The following HRAS variants were observed in gnomAD, a reference collection of about 807,000 sequenced individuals.
HRAS encodes HRas proto-oncogene, GTPase.
In HRAS, 11 loss-of-function variants were observed where a neutral mutation model predicts 19.8. The ratio of observed to expected loss-of-function variants is 0.55; its 90% confidence interval spans 0.35 to 0.92. The LOEUF (loss-of-function observed/expected upper bound fraction) is 0.92. HRAS is among the 40% of genes least tolerant of loss of function. The pLI is 0.01. For synonymous variants in HRAS, 149 were observed against 105.5 expected (o/e 1.41, Z -2.52); for missense variants, 204 against 255.9 (o/e 0.80, Z 1.38).
At chr11:533,338 G>A (rs768095368) in intron 4 of HRAS, 115 bp downstream of exon 4, 2 of 1,605,612 alleles carry the variant, frequency 1.2e-6, no homozygotes, top group East Asian at 2.2e-5. Context: ...CGGAGCTGGA[G>A]CTAGAGCCAG....
At chr11:534,176 C>T (rs1269871280) in intron 2 of HRAS, 36 bp downstream of exon 2, 1 of 1,526,536 alleles carries the variant, frequency 6.6e-7, no homozygotes, top group South Asian at 1.1e-5. Flanking sequence ...TCGCCCGCAG[C>T]AGCTGCTGGC....
chr11:534,488 G>A (rs1377599694), intron 1 of HRAS, 113 bp from the exon 2 acceptor site: 15 of 625,780 alleles, frequency 2.4e-5, no homozygotes, highest in Non-Finnish European at 3.9e-5. Context: ...GGGCCCCAAC[G>A]CCAGGCAGCA....
intron 2 of HRAS, 41 bp from the exon 3 acceptor site, chr11:533,985 C>T (rs1033725685): frequency 7.5e-6 from 12 of 1,595,800 alleles, no homozygotes; most frequent in Non-Finnish European, 1.0e-5. Context: ...CAGGACCTTC[C>T]GTGGGGGGAG....
At position 532,768 on chromosome 11, in the gene HRAS, G is replaced by C. The variant is rs761468352; in HGVS notation, c.451-13C>G. Reference sequence around the variant, plus strand: ...CATCCTCCACTCCCTGGGAAAGGAGGGATGGGATCAGGAGGGACCGGCCTG... The same window carrying C: ...CATCCTCCACTCCCTGGGAAAGGAGCGATGGGATCAGGAGGGACCGGCCTG... On this transcript the variant is annotated splice_polypyrimidine_tract_variant and intron_variant, in intron 4 of 5. Coordinates refer to ENST00000311189, the MANE Select transcript of HRAS (RefSeq NM_005343.4). 6.2e-7 allele frequency: 1 copy of C among 1,611,926 alleles called. No individual in the cohort carries two copies.
chr11:534,445 G>T (rs540613361), intron 1 of HRAS, 70 bp from the exon 2 acceptor site: 17 of 775,024 alleles, frequency 2.2e-5, no homozygotes, highest in Non-Finnish European at 3.0e-5. Flanking sequence ...CTGCTGGCAG[G>T]GCCATCTGAA....
At position 534,629 on chromosome 11, in the gene HRAS, G is replaced by A. The variant is rs1385822260; in HGVS notation, c.-53-254C>T. 12 of 497,912 alleles carry A rather than the reference G, an allele frequency of 2.4e-5. No individual in the cohort carries two copies. In the East Asian group the frequency reaches 4.1e-4, roughly 17 times the overall value. 30.8% of individuals were successfully genotyped at this position (497,912 alleles called of 1,614,324 possible). A position where few individuals can be genotyped will look rare whatever the true frequency, so the allele number is the denominator to read the frequency against. On this transcript the variant is annotated intron_variant, in intron 1 of 5. Transcript: ENST00000311189. ...GCCCTCAAAGGCAGGGCTGACAGCT[G>A]AGCGCTCTCAACCACGCACCCAAAT...
intron 1 of HRAS, among the ~76,000 whole-genome samples, chr11:534,837 C>T (rs889871295): frequency 6.6e-6 from 1 of 152,196 alleles, no homozygotes; most frequent in African/African-American, 2.4e-5. Flanking sequence ...CTACTGCGTA[C>T]TAGGCGCCGC....
Position 534,292 on chromosome 11 carries a change from C to T in HRAS, c.31G>A (p.Ala11Thr), listed in dbSNP as rs727504496. 2.5e-5 allele frequency: 41 copies of T among 1,613,124 alleles called. No homozygotes were observed. Among genetic ancestry groups the T allele is most frequent in the Non-Finnish European group, 3.1e-5 (37 of 1,179,904 alleles). MTEYKLVVVG[A>T]GGVGKSALTI... is the part of the protein sequence containing the mutation. ...AGCGCACTCTTGCCCACACCGCCGG[C>T]GCCCACCACCACCAGCTTATATTCC... Residue 11 changes from alanine to threonine, a missense_variant, in exon 2 of 6, where the codon GCC (alanine) becomes ACC (threonine). By Grantham distance (58) the Ala-to-Thr change is moderately conservative. Around this residue, in one of 4 missense-constraint regions of HRAS, gnomAD observed 10 missense variants for 18.0 expected, o/e 0.56. Coordinates refer to ENST00000311189, the MANE Select transcript of HRAS (RefSeq NM_005343.4).
At position 532,393 on chromosome 11, in the gene HRAS, C is replaced by T. The variant is rs1336846240; in HGVS notation, c.*135G>A. ...CCTCCCTGGGAGGGTCTGCAGTCAC[C>T]TCGGCCCACGGTCCCGGGGTGACTG... On this transcript the variant is annotated 3_prime_UTR_variant, in exon 6 of 6. Transcript: ENST00000311189. The T allele has an allele frequency of 5.0e-6, 3 of 604,920 alleles. No homozygotes were observed. The highest frequency in any genetic ancestry group is 2.8e-5 in the East Asian group (1 of 35,516). 37.5% of individuals were successfully genotyped at this position (604,920 alleles called of 1,614,324 possible).
chr11:533,214 A>G (rs1851214478), intron 4 of HRAS: 11 of 1,383,528 alleles, frequency 8.0e-6, no homozygotes, highest in African/African-American at 1.4e-5. Context: ...CCAGGACTGC[A>G]GGGCGTGAGC....
chr11:532,447 G>T lies in HRAS; in HGVS notation c.*81C>A. The T allele has an allele frequency of 2.5e-6, 2 of 804,996 alleles. No homozygotes were observed. Among genetic ancestry groups the T allele is most frequent in the Non-Finnish European group, 3.9e-6 (2 of 512,208 alleles). The allele number at this position is 804,996 out of a possible 1,614,324, so 49.9% of individuals were successfully genotyped here. A position where few individuals can be genotyped will look rare whatever the true frequency, so the allele number is the denominator to read the frequency against. ...TCCAGCAGCCCTTCCTTCCTTCCTT[G>T]CTTCCGTCCTTCCTTCCTCCTCCTT... On this transcript the variant is annotated 3_prime_UTR_variant, in exon 6 of 6. Coordinates refer to ENST00000311189, the MANE Select transcript of HRAS (RefSeq NM_005343.4).
chr11:534,727 G>A (rs1851349320), intron 1 of HRAS: 1 of 265,080 alleles, frequency 3.8e-6, no homozygotes, highest in Non-Finnish European at 7.4e-6. Context: ...TCCAGAACAG[G>A]TCTGGCCACG....
At position 534,242 on chromosome 11, in the gene HRAS, A is replaced by G. The variant is rs12628; in HGVS notation, c.81T>C (p.His27=). The part of the protein sequence containing the change: ...SALTIQLIQN[H]FVDEYDPTIE... The stretch of plus-strand genomic sequence containing the variant: ...TAGTGGGGTCGTATTCGTCCACAAA[A>G]TGGTTCTGGATCAGCTGGATGGTCA... The change falls in exon 2 of 6, where the codon CAT becomes CAC. Residue 27 remains histidine (H), a synonymous_variant. Coordinates refer to ENST00000311189, the MANE Select transcript of HRAS (RefSeq NM_005343.4). 534,272 of 1,612,572 alleles carry G rather than the reference A, an allele frequency of 0.33. 90,079 individuals are homozygous for G. Among genetic ancestry groups the G allele is most frequent in the African/African-American group, 0.38 (28,297 of 74,940 alleles).
chr11:535,489 G>A lies in HRAS; in HGVS notation c.-127C>T, dbSNP rs538573448. On this transcript the variant is annotated 5_prime_UTR_variant, in exon 1 of 6. Coordinates refer to ENST00000311189, the MANE Select transcript of HRAS (RefSeq NM_005343.4). ...GGGCGGGGCGGGGGCGGGGGCGCGCGGTTCGCCCCGCGCATGGGCTCCGTC... is the reference window on the plus strand; with the variant it reads ...GGGCGGGGCGGGGGCGGGGGCGCGCAGTTCGCCCCGCGCATGGGCTCCGTC... 6.8e-6 allele frequency: 1 copy of A among 147,348 alleles called. No homozygotes were observed. Among genetic ancestry groups the A allele is most frequent in the Non-Finnish European group, 1.5e-5 (1 of 65,960 alleles). The allele number at this position is 147,348 out of a possible 1,614,324, so 9.1% of individuals were successfully genotyped here. A position where few individuals can be genotyped will look rare whatever the true frequency, so the allele number is the denominator to read the frequency against.
rs759743352 is a variant in HRAS at position 534,194 on chromosome 11, C to T, written c.111+18G>A. 2.5e-6 allele frequency: 4 copies of T among 1,582,892 alleles called. No individual in the cohort carries two copies. Among genetic ancestry groups the T allele is most frequent in the African/African-American group, 1.3e-5 (1 of 74,348 alleles). ...CCCGCAGCAGCTGCTGGCACCTGGA[C>T]GGCGGCGCCAGGCTCACCTCTATAG... is the stretch of plus-strand genomic sequence containing the variant. On this transcript the variant is annotated intron_variant, in intron 2 of 5. Coordinates refer to ENST00000311189, the MANE Select transcript of HRAS (RefSeq NM_005343.4).
At chr11:533,413 G>A (rs771931917) in intron 4 of HRAS, 40 bp downstream of exon 4, 4 of 1,609,302 alleles carry the variant, frequency 2.5e-6, no homozygotes, top group Non-Finnish European at 3.4e-6. Flanking sequence ...GCGGGGCGGG[G>A]CGGGTCCCTG....
intron 1 of HRAS, chr11:535,204 G>C (rs2134000478): frequency 6.6e-6 from 1 of 150,956 alleles, no homozygotes; most frequent in South Asian, 1.8e-4. Context: ...GATTCCCGCA[G>C]GCCCCAGGGA....
At position 533,860 on chromosome 11, in the gene HRAS, C is replaced by G. The variant is rs2133990837; in HGVS notation, c.196G>C (p.Ala66Pro). The G allele has an allele frequency of 6.2e-7, 1 of 1,613,334 alleles. No individual in the cohort carries two copies. The highest frequency in any genetic ancestry group is 8.5e-7 in the Non-Finnish European group (1 of 1,179,984). The stretch of plus-strand genomic sequence containing the variant: ...GTGCGCATGTACTGGTCCCGCATGG[C>G]GCTGTACTCCTCCTGGCCGGCGGTA... Reference protein sequence around the residue: ...LDTAGQEEYSAMRDQYMRTGE... With the variant: ...LDTAGQEEYSPMRDQYMRTGE... Residue 66 changes from alanine to proline, a missense_variant, in exon 3 of 6, where the codon GCC becomes CCC. Physicochemically the swap from Ala to Pro is conservative, Grantham distance 27. Transcript: ENST00000311189.
At chr11:534,731 GGCCACGGCGGAGCGC>G (rs1241984691) in intron 1 of HRAS, 2 of 252,676 alleles carry the variant, frequency 7.9e-6, no homozygotes, top group Admixed American at 1.0e-4. Flanking sequence ...GAACAGGTCT[GGCCACGGCGGAGCGC>G]GCCACGGCGT....
Sources: gnomAD v4.1 joint callset for allele counts (sites outside exome capture counted in the v4.1 genomes callset) on GRCh38, gnomAD v4.1.1 for gene constraint, gnomAD v4.1.1 regional missense constraint, MANE v1.5 for transcripts, NCBI Gene and HGNC (gene_info 2026-07-23, HGNC 2026-07-21) for gene names.